NECTIN3: variants seen among roughly 807,000 people sequenced by gnomAD.
The protein encoded by NECTIN3 is nectin cell adhesion molecule 3, also known as nectin-3.
Under a neutral mutation model 49.4 loss-of-function variants are expected in NECTIN3, and 8 were observed. That is an observed-to-expected ratio of 0.16 (90% CI 0.10 to 0.29). The LOEUF is 0.29. NECTIN3 is among the 10% of genes least tolerant of loss of function. NECTIN3 has a pLI of 1.00. For missense variants in NECTIN3, 581 were observed against 654.6 expected (o/e 0.89, Z 1.23); for synonymous variants, 277 against 241.1 (o/e 1.15, Z -1.38).
At chr3:111,161,240 G>T (rs2035206336) in intron 7 of NECTIN3, among the ~76,000 whole-genome samples, 1 of 152,152 alleles carries the variant, frequency 6.6e-6, no homozygotes, top group African/African-American at 2.4e-5. Flanking sequence ...TGCTCTCTCA[G>T]GGTTAGTCTG....
intron 7 of NECTIN3, among the ~76,000 whole-genome samples, chr3:111,164,468 A>T (rs772821215): frequency 2.0e-5 from 3 of 152,270 alleles, no homozygotes; most frequent in Non-Finnish European, 4.4e-5. Context: ...ATATTACCAT[A>T]TGTTATATAT....
At chr3:111,074,334 A>C in intron 1 of NECTIN3, 1 of 408,762 alleles carries the variant, frequency 2.4e-6, no homozygotes, top group East Asian at 7.3e-5. Context: ...ACTGCTTACA[A>C]GGTTTGGCAT....
intron 5 of NECTIN3, among the ~76,000 whole-genome samples, chr3:111,131,171 G>A (rs539706137): frequency 1.3e-5 from 2 of 151,894 alleles, no homozygotes; most frequent in South Asian, 4.2e-4. Flanking sequence ...GCCTTTTACG[G>A]GGCATTACAT....
At position 111,165,779 on chromosome 3, in the gene NECTIN3, G is replaced by A. The variant is rs1382076; in HGVS notation, c.1221+18295G>A. On this transcript the variant is annotated intron_variant, in intron 7 of 8. Coordinates refer to the NECTIN3 transcript ENST00000493615. ...TGGGAGGCTATAGTTATAGAATAAT[G>A]AATTAGTAATTATTAAGATACTCTA... 1.5e-3 allele frequency among the ~76,000 whole-genome samples: 223 copies of A among 152,238 alleles called. 1 individual carries two copies. The highest frequency in any genetic ancestry group is 4.9e-3 in the African/African-American group (205 of 41,538).
chr3:111,177,078 A>G (rs993306301), intron 7 of NECTIN3, among the ~76,000 whole-genome samples: 3 of 152,160 alleles, frequency 2.0e-5, no homozygotes, highest in Non-Finnish European at 4.4e-5. Context: ...AAATCTTAAC[A>G]GAGTGTCTTT....
chr3:111,093,972 T>C (rs1344163935), intron 1 of NECTIN3, among the ~76,000 whole-genome samples: 1 of 152,210 alleles, frequency 6.6e-6, no homozygotes, highest in African/African-American at 2.4e-5. Flanking sequence ...GATGCTGATC[T>C]ACTGCTTTAG....
intron 2 of NECTIN3, among the ~76,000 whole-genome samples, chr3:111,115,548 T>G (rs1027575481): frequency 2.6e-5 from 4 of 152,220 alleles, no homozygotes; most frequent in African/African-American, 9.6e-5. Flanking sequence ...AGTCTGCATT[T>G]TAGCAAGATT....
At chr3:111,072,369 T>C in intron 1 of NECTIN3, 192 bp downstream of exon 1, 1 of 1,483,636 alleles carries the variant, frequency 6.7e-7, no homozygotes, top group Non-Finnish European at 8.9e-7. Context: ...CAGCGAATGC[T>C]GAGCCGGCGG....
chr3:111,168,498 A>G (rs1255031138), intron 7 of NECTIN3, among the ~76,000 whole-genome samples: 7 of 152,318 alleles, frequency 4.6e-5, no homozygotes, highest in Middle Eastern at 3.4e-3. Flanking sequence ...ATATATATAT[A>G]AATGTTTTTC....
intron 1 of NECTIN3, among the ~76,000 whole-genome samples, chr3:111,107,501 T>G (rs1470210727): frequency 6.6e-6 from 1 of 152,200 alleles, no homozygotes; most frequent in Non-Finnish European, 1.5e-5. Flanking sequence ...GACCACCTTA[T>G]GACAAGGTTA....
At chr3:111,145,171 G>A (rs1383963054) in intron 6 of NECTIN3, 4 of 1,049,950 alleles carry the variant, frequency 3.8e-6, no homozygotes, top group Non-Finnish European at 5.4e-6. Flanking sequence ...TTAGATGACC[G>A]TGGTTTCATC....
intron 7 of NECTIN3, among the ~76,000 whole-genome samples, chr3:111,177,995 G>T (rs2035561268): frequency 6.6e-6 from 1 of 152,096 alleles, no homozygotes; most frequent in Non-Finnish European, 1.5e-5. Flanking sequence ...TTTAATATGA[G>T]AATTAAGCAA....
chr3:111,149,858 T>C (rs1328716333), intron 7 of NECTIN3, among the ~76,000 whole-genome samples: 2 of 151,998 alleles, frequency 1.3e-5, no homozygotes, highest in African/African-American at 4.8e-5. Flanking sequence ...TGATATGAAA[T>C]AATTGAAGAC....
intron 1 of NECTIN3, among the ~76,000 whole-genome samples, chr3:111,083,337 C>T (rs937695496): frequency 8.5e-5 from 13 of 152,122 alleles, no homozygotes; most frequent in African/African-American, 2.9e-4. Context: ...ATGTTGAGCT[C>T]GCAACCCTCA....
At chr3:111,075,586 A>G (rs1022710130) in intron 1 of NECTIN3, among the ~76,000 whole-genome samples, 61 of 152,138 alleles carry the variant, frequency 4.0e-4, no homozygotes, top group African/African-American at 1.4e-3. Context: ...GGTATTAGTG[A>G]TTCTTAAATT....
chr3:111,136,002 T>C lies in NECTIN3; in HGVS notation c.*1787T>C. On this transcript the variant is annotated 3_prime_UTR_variant, in exon 6 of 6. Transcript: ENST00000485303. ...ATCACTTATATACAAATATTACAAC[T>C]TTTTAGTGCAAGTTTTTGGAAGAAA... The C allele has an allele frequency of 1.0e-6, 1 of 965,708 alleles. No individual in the cohort carries two copies. The highest frequency in any genetic ancestry group is 4.8e-5 in the South Asian group (1 of 20,868). The allele number at this position is 965,708 out of a possible 1,614,324, so 59.8% of individuals were successfully genotyped here.
intron 5 of NECTIN3, among the ~76,000 whole-genome samples, chr3:111,128,064 G>A (rs771280336): frequency 1.3e-5 from 2 of 152,094 alleles, no homozygotes; most frequent in Non-Finnish European, 2.9e-5. Context: ...TTGACTGGGC[G>A]TGGTGGCTCA....
intron 5 of NECTIN3, among the ~76,000 whole-genome samples, chr3:111,131,588 G>A (rs974467894): frequency 1.3e-5 from 2 of 151,836 alleles, no homozygotes; most frequent in Admixed American, 6.6e-5. Context: ...AACATTTCTA[G>A]AACCATCAAC....
chr3:111,112,988 A>G (rs938587969), intron 2 of NECTIN3, among the ~76,000 whole-genome samples: 3 of 152,198 alleles, frequency 2.0e-5, no homozygotes, highest in South Asian at 2.1e-4. Context: ...TTTTGAAATG[A>G]TAGAAATGAA....
Sources: gnomAD v4.1 joint callset for allele counts (sites outside exome capture counted in the v4.1 genomes callset) on GRCh38, gnomAD v4.1.1 for gene constraint, MANE v1.5 for transcripts, NCBI Gene and HGNC (gene_info 2026-07-23, HGNC 2026-07-21) for gene names.